Variants in CP observed in about 807,000 individuals in gnomAD.
The protein encoded by CP is caeruloplasmin.
CP carries 64 observed loss-of-function variants against 122.4 expected under a neutral mutation model. That is an observed-to-expected ratio of 0.52 (90% CI 0.43 to 0.64). The LOEUF is 0.64. CP is among the 30% of genes least tolerant of loss of function. CP has a pLI of 0.00. For missense variants in CP, 1,167 were observed against 1,284.4 expected (o/e 0.91, Z 1.40); for synonymous variants, 440 against 436.4 (o/e 1.01, Z -0.10).
In CP at chr3:149,183,452, A is replaced by T. The variant is rs899889303; in HGVS notation, c.2425+14T>A. 6.2e-7 allele frequency: 1 copy of T among 1,610,612 alleles called. No individual in the cohort carries two copies. The highest frequency in any genetic ancestry group is 8.5e-7 in the Non-Finnish European group (1 of 1,179,476). Reference sequence around the variant, plus strand: ...CATTAACCCACACCTGATAAACTGGAGATATTAACATACCTAGAATTCCCA... The same window carrying T: ...CATTAACCCACACCTGATAAACTGGTGATATTAACATACCTAGAATTCCCA... On this transcript the variant is annotated intron_variant, in intron 13 of 18. Transcript: ENST00000264613.
chr3:149,183,534 T>A lies in CP; in HGVS notation c.2357A>T (p.Gln786Leu), dbSNP rs1207763819. ...AACACGGAATGTGCTATCAGTATAC[T>A]GCCGATACACAACTTTCTTGTACTT... ...GSKYKKVVYR[Q>L]YTDSTFRVPV... The change falls in exon 13 of 19, where the codon CAG (glutamine) becomes CTG (leucine). Residue 786 changes from glutamine to leucine, a missense_variant. Transcript: ENST00000264613. The A allele has an allele frequency of 1.9e-6, 3 of 1,611,212 alleles. No homozygotes were observed.
chr3:149,181,985 A>ACACCCCCCC lies in CP; in HGVS notation c.2554+19_2554+20insGGGGGGGTG. 2 of 402,782 alleles carry ACACCCCCCC rather than the reference A, an allele frequency of 5.0e-6. No homozygotes were observed. The highest frequency in any genetic ancestry group is 1.8e-5 in the South Asian group (1 of 55,096). The allele number at this position is 402,782 out of a possible 1,614,324, so 25.0% of individuals were successfully genotyped here. A position where few individuals can be genotyped will look rare whatever the true frequency, so the allele number is the denominator to read the frequency against. ...CAGCCTGTTAAAATGCACCACCCCCACCCCCGCCCCCGTGAGTACCTGGTA... is the reference window on the plus strand; with the variant it reads ...CAGCCTGTTAAAATGCACCACCCCCACACCCCCCCCCCCCGCCCCCGTGAGTACCTGGTA... On this transcript the variant is annotated intron_variant, in intron 14 of 18. Coordinates refer to ENST00000264613, the MANE Select transcript of CP (RefSeq NM_000096.4).
intron 9 of CP, among the ~76,000 whole-genome samples, chr3:149,197,692 A>G (rs1213281802): frequency 2.0e-5 from 3 of 152,184 alleles, no homozygotes; most frequent in African/African-American, 7.2e-5. Context: ...TTCTGGATGA[A>G]ACTATTCTAC....
chr3:149,189,066 C>T (rs1346284103), intron 9 of CP, among the ~76,000 whole-genome samples: 1 of 152,128 alleles, frequency 6.6e-6, no homozygotes, highest in Non-Finnish European at 1.5e-5. Flanking sequence ...AAAATATACA[C>T]ATTGTAATAA....
At chr3:149,202,269 TG>T in intron 6 of CP, 28 bp from the exon 7 acceptor site, 3 of 1,613,992 alleles carry the variant, frequency 1.9e-6, no homozygotes, top group Non-Finnish European at 2.5e-6. Flanking sequence ...TGTTTAATGC[TG>T]GGGTTGAAGT....
intron 6 of CP, among the ~76,000 whole-genome samples, chr3:149,203,273 T>A (rs1050740282): frequency 2.6e-5 from 4 of 151,102 alleles, no homozygotes; most frequent in South Asian, 4.2e-4. Context: ...TTATTTATTT[T>A]TTGTTTTTGG....
intron 14 of CP, 23 bp downstream of exon 14, chr3:149,181,982 C>CGGGGGGG: frequency 3.8e-6 from 2 of 532,614 alleles, no homozygotes; most frequent in Non-Finnish European, 7.2e-6. Flanking sequence ...ATGCACCACC[C>CGGGGGGG]CCACCCCCGC....
chr3:149,197,417 C>G (rs1239819083), intron 9 of CP, among the ~76,000 whole-genome samples: 1 of 151,944 alleles, frequency 6.6e-6, no homozygotes, highest in Non-Finnish European at 1.5e-5. Flanking sequence ...ATCTAGGAAA[C>G]CATCATCAGT....
chr3:149,209,184 A>G lies in CP; in HGVS notation c.781+27T>C, dbSNP rs772820807. On this transcript the variant is annotated intron_variant, in intron 4 of 18. Coordinates refer to ENST00000264613, the MANE Select transcript of CP (RefSeq NM_000096.4). ...TAATGGATCAAGGGAAAAAAAAGTAAAGTTAACATGTCTGCTGTAATCTTA... is the reference window on the plus strand; with the variant it reads ...TAATGGATCAAGGGAAAAAAAAGTAGAGTTAACATGTCTGCTGTAATCTTA... The G allele has an allele frequency of 3.1e-6, 5 of 1,613,234 alleles. 1 individual carries two copies. In the Admixed American group the frequency reaches 8.3e-5, roughly 27 times the overall value.
At chr3:149,182,457 T>A (rs1725848269) in intron 13 of CP, among the ~76,000 whole-genome samples, 1 of 152,150 alleles carries the variant, frequency 6.6e-6, no homozygotes, top group Non-Finnish European at 1.5e-5. Flanking sequence ...AGCTTGTCTC[T>A]TGTCTGGTAG....
At chr3:149,212,795 G>A (rs1728202629) in intron 1 of CP, 97 bp from the exon 2 acceptor site, 9 of 1,403,224 alleles carry the variant, frequency 6.4e-6, no homozygotes, top group East Asian at 2.5e-5. Flanking sequence ...AGAAATTAAT[G>A]AGCACATCAC....
intron 14 of CP, 26 bp downstream of exon 14, chr3:149,181,979 A>ACCCCCCCCCCCCCCCCCCCCCCC: frequency 1.9e-6 from 1 of 515,792 alleles, no homozygotes; most frequent in Non-Finnish European, 3.7e-6. Flanking sequence ...AAAATGCACC[A>ACCCCCCCCCCCCCCCCCCCCCCC]CCCCCACCCC....
At chr3:149,217,059 C>G (rs1188659593) in intron 1 of CP, among the ~76,000 whole-genome samples, 3 of 152,016 alleles carry the variant, frequency 2.0e-5, no homozygotes, top group Non-Finnish European at 2.9e-5. Context: ...CGCCACCACA[C>G]CTAGCTAATT....
At chr3:149,172,080 T>C (rs763835209), downstream of CP, 2 of 1,611,378 alleles carry the variant, frequency 1.2e-6, no homozygotes, top group Admixed American at 3.3e-5. Flanking sequence ...AATTCAGATA[T>C]TCTTTTCTAC....
Position 149,207,457 on chromosome 3 carries a change from G to A in CP, c.942C>T (p.Ile314=), listed in dbSNP as rs760217447. 1.2e-6 allele frequency: 2 copies of A among 1,614,024 alleles called. No individual in the cohort carries two copies. The highest frequency in any genetic ancestry group is 1.7e-5 in the Admixed American group (1 of 60,012). ...CAAACAGGGTAGCAGGAAAGAGGTT[G>A]ATTGTGTCAATACGGTAGTTCTTGT... ...LTNKNYRIDT[I]NLFPATLFDA... The change falls in exon 5 of 19, where the codon ATC becomes ATT. Residue 314 remains isoleucine, a synonymous_variant. Transcript: ENST00000264613.
chr3:149,170,839 AT>A (rs1724902521), downstream of CP, among the ~76,000 whole-genome samples: 1 of 152,218 alleles, frequency 6.6e-6, no homozygotes. Context: ...TGGATAGAAG[AT>A]GTAAGACCAA....
intron 9 of CP, among the ~76,000 whole-genome samples, chr3:149,195,585 T>G (rs1271321629): frequency 6.6e-6 from 1 of 152,144 alleles, no homozygotes; most frequent in African/African-American, 2.4e-5. Context: ...AAAGCAAAGA[T>G]ATGAATACAC....
rs1297176840 is a variant in CP at position 149,186,730 on chromosome 3, T to C, written c.1867A>G (p.Met623Val). 1.1e-5 allele frequency: 17 copies of C among 1,613,714 alleles called. No individual in the cohort carries two copies. The highest frequency in any genetic ancestry group is 1.4e-5 in the Non-Finnish European group (17 of 1,179,974). Residue 623 changes from methionine to valine, a missense_variant and splice_region_variant, in exon 11 of 19, where the codon ATG (methionine) becomes GTG (valine). Coordinates refer to ENST00000264613, the MANE Select transcript of CP (RefSeq NM_000096.4). ...TGATTCCCATACATGAATCCATTCA[T>C]GGCTGTAAAAGTTGGGAAATAACAT... is the stretch of plus-strand genomic sequence containing the variant. ...DFQESNKMHS[M>V]NGFMYGNQPG...
rs1728187767 is a variant in CP at position 149,212,576 on chromosome 3, A to G, written c.269T>C (p.Leu90Pro). The G allele has an allele frequency of 1.2e-6, 2 of 1,614,098 alleles. No homozygotes were observed. Among genetic ancestry groups the G allele is most frequent in the Non-Finnish European group, 1.7e-6 (2 of 1,179,996 alleles). ...FRTTIEKPVW[L>P]GFLGPIIKAE... ...TTTGATAATAGGGCCTAAAAACCCA[A>G]GCCAGACCGGTTTTTCTATAGTTGT... Residue 90 changes from leucine to proline, a missense_variant, in exon 2 of 19, where the codon CTT (leucine) becomes CCT (proline). Leu to Pro is a moderately conservative substitution (Grantham distance 98, BLOSUM62 -3). Around this residue, in one of 2 missense-constraint regions of CP, gnomAD observed 642 missense variants for 627.3 expected, o/e 1.02. Coordinates refer to ENST00000264613, the MANE Select transcript of CP (RefSeq NM_000096.4).
Sources: allele counts gnomAD v4.1 joint callset (sites outside exome capture counted in the v4.1 genomes callset), GRCh38; gene constraint gnomAD v4.1.1; regional missense constraint gnomAD v4.1.1; transcripts MANE v1.5; gene names NCBI Gene and HGNC (gene_info 2026-07-23, HGNC 2026-07-21).